SPECC1: variants seen among roughly 807,000 people sequenced by gnomAD.
SPECC1 encodes the protein sperm antigen with calponin homology and coiled-coil domains 1, also known as cytospin-B.
Under a neutral mutation model 104.1 loss-of-function variants are expected in SPECC1, and 62 were observed. The observed-to-expected ratio is 0.60, with a 90% CI of 0.49 to 0.74. SPECC1 has a LOEUF of 0.74. Ranked by LOEUF, SPECC1 falls within the 30% of genes least tolerant of loss-of-function variation. The probability of loss-of-function intolerance (pLI) is 0.00; values close to 1 mark genes in which losing one functional copy is unlikely to be tolerated. For synonymous variants in SPECC1, 513 were observed against 501.6 expected (o/e 1.02, Z -0.30); for missense variants, 1,306 against 1,310.5 (o/e 1.00, Z 0.05).
intron 3 of SPECC1, among the ~76,000 whole-genome samples, chr17:20,162,794 A>G (rs1255652986): frequency 6.6e-6 from 1 of 152,200 alleles, no homozygotes; most frequent in East Asian, 1.9e-4. Context: ...TTGGGAGGCC[A>G]AGGTGGGCGG....
intron 3 of SPECC1, among the ~76,000 whole-genome samples, chr17:20,116,329 C>T (rs1597741794): frequency 6.6e-6 from 1 of 152,082 alleles, no homozygotes; most frequent in Non-Finnish European, 1.5e-5. Flanking sequence ...ACCTCGTGAT[C>T]CACCCACCTT....
chr17:20,129,443 C>A (rs1228841925), intron 3 of SPECC1, among the ~76,000 whole-genome samples: 1 of 152,022 alleles, frequency 6.6e-6, no homozygotes, highest in Non-Finnish European at 1.5e-5. Context: ...GCACCTCGGC[C>A]TCCCAAAGTG....
chr17:20,022,321 GAGTTTCCATTGACATA>G (rs2044425500), intron 1 of SPECC1, among the ~76,000 whole-genome samples: 1 of 152,056 alleles, frequency 6.6e-6, no homozygotes, highest in African/African-American at 2.4e-5. Context: ...TTATCTTTTT[GAGTTTCCATTGACATA>G]AGTTGCCTGT....
chr17:20,090,569 A>T lies in SPECC1; in HGVS notation c.-21-6062A>T, dbSNP rs2047361810. On this transcript the variant is annotated intron_variant, in intron 1 of 14. Coordinates refer to ENST00000395527, the MANE Select transcript of SPECC1 (RefSeq NM_001243439.2). ...GTAGTTTTTATTCTGTTTACTTTGC[A>T]CTAGACCATTTTACACTATTCCAAA... Among the ~76,000 whole-genome samples the T allele has an allele frequency of 2.0e-5, 3 of 149,114 alleles. No individual in the cohort carries two copies. In the Admixed American group the frequency reaches 2.0e-4, roughly 10 times the overall value.
chr17:20,180,498 A>G (rs975468699), intron 3 of SPECC1, among the ~76,000 whole-genome samples: 2 of 152,248 alleles, frequency 1.3e-5, no homozygotes, highest in African/African-American at 4.8e-5. Context: ...TAAGAAACAT[A>G]TTCTACTAAG....
At chr17:20,072,698 GGCTCT>G (rs1256259498) in intron 1 of SPECC1, among the ~76,000 whole-genome samples, 1 of 152,180 alleles carries the variant, frequency 6.6e-6, no homozygotes, top group African/African-American at 2.4e-5. Flanking sequence ...ATGTCACAGA[GGCTCT>G]GCAAACCCAT....
intron 3 of SPECC1, among the ~76,000 whole-genome samples, chr17:20,119,286 C>T (rs935755628): frequency 2.6e-5 from 4 of 152,094 alleles, no homozygotes; most frequent in African/African-American, 7.2e-5. Flanking sequence ...TCTTGTTGCC[C>T]AGGCTGGAGT....
Position 20,218,933 on chromosome 17 carries a change from TTAACA to T in SPECC1, c.1864-8476_1864-8472del, listed in dbSNP as rs796710943. Among the ~76,000 whole-genome samples the T allele has an allele frequency of 3.7e-3, 565 of 152,336 alleles. 1 individual carries two copies. The highest frequency in any genetic ancestry group is 0.012 in the African/African-American group (502 of 41,580). Reference sequence around the variant, plus strand: ...TCTTTCTATGTCTGGCTTATTTCACTTAACATAATGATTTCCAGTTCCATCCATGT... The same window carrying T: ...TCTTTCTATGTCTGGCTTATTTCACTTAATGATTTCCAGTTCCATCCATGT... On this transcript the variant is annotated intron_variant, in intron 4 of 14. Transcript: ENST00000395527.
intron 2 of SPECC1, among the ~76,000 whole-genome samples, chr17:20,100,670 T>C (rs1240804243): frequency 6.6e-6 from 1 of 152,238 alleles, no homozygotes; most frequent in Non-Finnish European, 1.5e-5. Flanking sequence ...AATTTTACTT[T>C]AAGTTCTGGG....
At chr17:20,164,897 A>G (rs545715101) in intron 3 of SPECC1, among the ~76,000 whole-genome samples, 1 of 152,360 alleles carries the variant, frequency 6.6e-6, no homozygotes, top group East Asian at 1.9e-4. Context: ...ACACTTCTTT[A>G]GCACTTAAAA....
chr17:20,278,330 G>A (rs1237944211), intron 12 of SPECC1, among the ~76,000 whole-genome samples: 4 of 152,214 alleles, frequency 2.6e-5, no homozygotes, highest in African/African-American at 9.6e-5. Context: ...GAGGGTAACA[G>A]AGGCAGAGGA....
intron 4 of SPECC1, among the ~76,000 whole-genome samples, chr17:20,222,742 T>C (rs1277136315): frequency 1.3e-5 from 2 of 152,236 alleles, no homozygotes; most frequent in African/African-American, 4.8e-5. Flanking sequence ...TCTTTTTGTT[T>C]GTTAATGTCC....
In SPECC1 at chr17:20,110,417, A is replaced by G; in HGVS notation, c.148-10A>G. The G allele has an allele frequency of 1.2e-6, 2 of 1,600,906 alleles. No individual in the cohort carries two copies. Among genetic ancestry groups the G allele is most frequent in the Non-Finnish European group, 1.7e-6 (2 of 1,172,396 alleles). ...TCTTCATCCTCTCTCTTTCCTTCCA[A>G]CTCTCTCAGCTCAAGAGGGCCAGCA... On this transcript the variant is annotated splice_polypyrimidine_tract_variant and intron_variant, in intron 2 of 14. Coordinates refer to ENST00000395527, the MANE Select transcript of SPECC1 (RefSeq NM_001243439.2).
intron 1 of SPECC1, among the ~76,000 whole-genome samples, chr17:20,045,203 T>C (rs1242076144): frequency 6.6e-6 from 1 of 152,152 alleles, no homozygotes; most frequent in Non-Finnish European, 1.5e-5. Context: ...CATAAGCCCA[T>C]CCTGCTGCTG....
Position 20,318,344 on chromosome 17 carries a change from C to G in SPECC1, c.*4279C>G. 1 of 231,976 alleles carries G rather than the reference C, an allele frequency of 4.3e-6. No homozygotes were observed. The highest frequency in any genetic ancestry group is 8.5e-6 in the Non-Finnish European group (1 of 117,172). The allele number at this position is 231,976 out of a possible 1,614,324, so 14.4% of individuals were successfully genotyped here. A position where few individuals can be genotyped will look rare whatever the true frequency, so the allele number is the denominator to read the frequency against. ...GGAGCTTCTCTTGTCCTAGCCCCTT[C>G]TCATTTCAAAAATATTAGTCTTTTA... On this transcript the variant is annotated 3_prime_UTR_variant, in exon 15 of 15. Transcript: ENST00000395527.
chr17:20,203,723 G>A (rs997434051), intron 3 of SPECC1, among the ~76,000 whole-genome samples: 2 of 152,240 alleles, frequency 1.3e-5, no homozygotes, highest in African/African-American at 4.8e-5. Context: ...TTGTCAAAAG[G>A]CCATTGTTTT....
intron 14 of SPECC1, among the ~76,000 whole-genome samples, chr17:20,311,677 A>G (rs1298409430): frequency 6.6e-6 from 1 of 152,140 alleles, no homozygotes; most frequent in Non-Finnish European, 1.5e-5. Flanking sequence ...ACAGTCCAGT[A>G]CAGTTTTAAA....
At position 20,096,693 on chromosome 17, in the gene SPECC1, A is replaced by G. The variant is rs1247551835; in HGVS notation, c.42A>G (p.Ala14=). The change falls in exon 2 of 15, where the codon GCA becomes GCG. Residue 14 remains alanine (A), a synonymous_variant. Transcript: ENST00000395527. ...AGCCCTGGAACCCAGCCATCAGAGC[A>G]GGGGGCCACGGCCCAGACCGGGTGC... ...AAKPWNPAIR[A]GGHGPDRVRP... 3 of 1,614,212 alleles carry G rather than the reference A, an allele frequency of 1.9e-6. No homozygotes were observed. The highest frequency in any genetic ancestry group is 2.5e-6 in the Non-Finnish European group (3 of 1,180,020).
Position 20,119,172 on chromosome 17 carries a change from A to C in SPECC1, c.283+8610A>C, listed in dbSNP as rs578176746. ...GTTTGTCAGTTACTTCATTTAAGTGAAATTAAATTATTTGAGTTAATAGGG... is the reference window on the plus strand; with the variant it reads ...GTTTGTCAGTTACTTCATTTAAGTGCAATTAAATTATTTGAGTTAATAGGG... On this transcript the variant is annotated intron_variant, in intron 3 of 14. Transcript: ENST00000395527. Among the ~76,000 whole-genome samples the C allele has an allele frequency of 4.6e-5, 7 of 152,390 alleles. No homozygotes were observed. The East Asian group carries it at 1.3e-3, about 29-fold the overall frequency.
Sources: gnomAD v4.1 joint callset for allele counts (sites outside exome capture counted in the v4.1 genomes callset) on GRCh38, gnomAD v4.1.1 for gene constraint, MANE v1.5 for transcripts, NCBI Gene and HGNC (gene_info 2026-07-23, HGNC 2026-07-21) for gene names.